CACNA1A: variants seen among roughly 807,000 people sequenced by gnomAD.
The protein encoded by CACNA1A is calcium voltage-gated channel subunit alpha1 A.
Under a neutral mutation model 262.4 loss-of-function variants are expected in CACNA1A, and 57 were observed. That is an observed-to-expected ratio of 0.22 (90% confidence interval 0.18 to 0.27). CACNA1A has a LOEUF of 0.27. CACNA1A is among the 10% of genes least tolerant of loss of function. The pLI, the probability that CACNA1A is intolerant of heterozygous loss-of-function variation, is 1.00. For synonymous variants in CACNA1A, 1,431 were observed against 1,419.3 expected (o/e 1.01, Z -0.18); for missense variants, 2,526 against 3,562.8 (o/e 0.71, Z 7.41).
intron 3 of CACNA1A, among the ~76,000 whole-genome samples, chr19:13,413,189 C>T (rs1461260246): frequency 6.6e-6 from 1 of 151,620 alleles, no homozygotes; most frequent in African/African-American, 2.4e-5. Context: ...TCACTGCAAG[C>T]TCCGCCTCCC....
At position 13,224,040 on chromosome 19, in the gene CACNA1A, C is replaced by T. The variant is rs535292718; in HGVS notation, c.5731+627G>A. Among the ~76,000 whole-genome samples, 12 of 152,044 alleles carry T rather than the reference C, an allele frequency of 7.9e-5. No homozygotes were observed. The East Asian group carries it at 1.9e-3, about 24-fold the overall frequency. On this transcript the variant is annotated intron_variant, in intron 38 of 46. Transcript: ENST00000360228. ...AAATTAGGTTGGGCATGGTGGCTCA[C>T]GCCTGTAATCCAGCACTTTGAGAGG...
chr19:13,451,995 A>G (rs2060924297), intron 3 of CACNA1A: 1 of 151,640 alleles, frequency 6.6e-6, no homozygotes, highest in African/African-American at 2.4e-5. Context: ...GTTAATTTTT[A>G]TTTTATTTTA....
intron 1 of CACNA1A, among the ~76,000 whole-genome samples, chr19:13,462,999 G>A (rs563597384): frequency 2.0e-5 from 3 of 152,164 alleles, no homozygotes; most frequent in East Asian, 1.9e-4. Context: ...GGGCTCAAGC[G>A]ATCCTCTCAC....
intron 1 of CACNA1A, among the ~76,000 whole-genome samples, chr19:13,503,527 G>C (rs938562040): frequency 1.3e-5 from 2 of 151,284 alleles, no homozygotes; most frequent in Non-Finnish European, 2.9e-5. Context: ...CCCTGGTATC[G>C]TGACTCTGAC....
rs576321664 is a variant in CACNA1A at position 13,242,279 on chromosome 19, GTTTC to G, written c.4950+2899_4950+2902del. 3.2e-3 allele frequency among the ~76,000 whole-genome samples: 494 copies of G among 152,100 alleles called. 1 individual carries two copies. The highest frequency in any genetic ancestry group is 0.011 in the African/African-American group (450 of 41,508). ...GCAGGTTCTGTGCCAAGCACTTCAC[GTTTC>G]TTTCTTTCTTTTTCTTCCTTTTCTT... On this transcript the variant is annotated intron_variant, in intron 31 of 46. Coordinates refer to ENST00000360228, the MANE Select transcript of CACNA1A (RefSeq NM_001127222.2).
intron 1 of CACNA1A, among the ~76,000 whole-genome samples, chr19:13,469,509 C>G (rs1342857243): frequency 7.2e-6 from 1 of 138,092 alleles, no homozygotes; most frequent in Non-Finnish European, 1.5e-5. Flanking sequence ...CTCGCCCTGT[C>G]GCCCAGGCTG....
chr19:13,492,203 T>C (rs779769879), intron 1 of CACNA1A, among the ~76,000 whole-genome samples: 53 of 152,116 alleles, frequency 3.5e-4, no homozygotes, highest in Non-Finnish European at 7.4e-5. Flanking sequence ...ATGACATGCC[T>C]CAATTTCAAC....
At chr19:13,393,615 TTCC>T (rs1483464608) in intron 3 of CACNA1A, among the ~76,000 whole-genome samples, 2 of 142,446 alleles carry the variant, frequency 1.4e-5, no homozygotes, top group African/African-American at 5.1e-5. Flanking sequence ...TTTTCCTTCC[TTCC>T]TTTTTTTCTT....
intron 7 of CACNA1A, among the ~76,000 whole-genome samples, chr19:13,334,908 C>T (rs1479976061): frequency 6.6e-6 from 1 of 152,002 alleles, no homozygotes; most frequent in Non-Finnish European, 1.5e-5. Flanking sequence ...GTGGCATACA[C>T]TTGTTGCCTT....
intron 6 of CACNA1A, among the ~76,000 whole-genome samples, chr19:13,358,071 G>A (rs1229795536): frequency 6.6e-6 from 1 of 152,178 alleles, no homozygotes; most frequent in African/African-American, 2.4e-5. Flanking sequence ...CTTTGATCCT[G>A]CAATCCCACT....
Position 13,214,264 on chromosome 19 carries a change from G to T in CACNA1A, c.5909C>A (p.Ala1970Asp). The T allele has an allele frequency of 6.2e-7, 1 of 1,611,416 alleles. No homozygotes were observed. Residue 1970 changes from alanine to aspartate, a missense_variant, in exon 40 of 47, where the codon GCC (alanine) becomes GAC (aspartate). Physicochemically the swap from Ala to Asp is moderately radical, Grantham distance 126 (BLOSUM62 -2). This residue lies in a region of CACNA1A where 929 missense variants were observed against 868.1 expected (regional missense o/e 1.07). Transcript: ENST00000360228. The surrounding 1 kb of genome is among the most constrained non-coding windows in gnomAD (Gnocchi z 4.1). ...MIMEYYRQSKAKKLQAMREEQ... is the reference protein window; with the variant it reads ...MIMEYYRQSKDKKLQAMREEQ... ...CTCGCGCATGGCCTGCAGCTTCTTG[G>T]CCTTGCTCTGCCGGTAGTACTCCAT...
chr19:13,371,167 CTG>C (rs1371643051), intron 4 of CACNA1A: 1 of 152,402 alleles, frequency 6.6e-6, no homozygotes, highest in Non-Finnish European at 1.5e-5. Flanking sequence ...CGCTGGGTGA[CTG>C]TGAGGATGAA....
Position 13,209,245 on chromosome 19 carries a change from C to A in CACNA1A, c.6526+67G>T, listed in dbSNP as rs902805395. On this transcript the variant is annotated intron_variant, in intron 45 of 46. Coordinates refer to ENST00000360228, the MANE Select transcript of CACNA1A (RefSeq NM_001127222.2). ...TTCTTCTTCCTTAGTGTCTCCTCCG[C>A]CCTGCCTTCTCCTCCCCTCTCCTCT... 4 of 1,422,064 alleles carry A rather than the reference C, an allele frequency of 2.8e-6. No homozygotes were observed. The African/African-American group carries it at 5.8e-5, about 21-fold the overall frequency. 88.1% of individuals were successfully genotyped at this position (1,422,064 alleles called of 1,614,324 possible). A position where few individuals can be genotyped will look rare whatever the true frequency, so the allele number is the denominator to read the frequency against.
intron 6 of CACNA1A, among the ~76,000 whole-genome samples, chr19:13,356,764 C>T (rs555644501): frequency 6.6e-6 from 1 of 152,270 alleles, no homozygotes; most frequent in African/African-American, 2.4e-5. Flanking sequence ...GGGTTCATTT[C>T]CTGCTGGAAC....
intron 24 of CACNA1A, chr19:13,272,683 A>C: frequency 6.7e-6 from 1 of 150,360 alleles, no homozygotes. Context: ...AGAAAGAGAC[A>C]GAGAGAGGGA....
At chr19:13,257,213 A>C (rs1422095643) in intron 28 of CACNA1A, 137 bp downstream of exon 28, 14 of 654,798 alleles carry the variant, frequency 2.1e-5, no homozygotes, top group Middle Eastern at 8.5e-4. Context: ...GCTGCCCTGA[A>C]GACTGGATTC....
chr19:13,494,490 CA>C (rs1251007435), intron 1 of CACNA1A, among the ~76,000 whole-genome samples: 1 of 152,006 alleles, frequency 6.6e-6, no homozygotes, highest in East Asian at 1.9e-4. Flanking sequence ...AAATGGTCAG[CA>C]GGGCTGAGAC....
intron 10 of CACNA1A, among the ~76,000 whole-genome samples, chr19:13,324,242 G>A (rs1180467744): frequency 6.6e-6 from 1 of 152,190 alleles, no homozygotes; most frequent in Non-Finnish European, 1.5e-5. Flanking sequence ...AGGGGAGGAG[G>A]AGGGATTGAG....
chr19:13,235,103 A>C (rs2055829174), intron 33 of CACNA1A, 67 bp from the exon 34 acceptor site: 4 of 1,540,370 alleles, frequency 2.6e-6, no homozygotes, highest in African/African-American at 2.7e-5. Context: ...AACCCAGCTC[A>C]ACCTCCATGG....
Sources: allele counts gnomAD v4.1 joint callset (sites outside exome capture counted in the v4.1 genomes callset), GRCh38; gene constraint gnomAD v4.1.1; regional missense constraint gnomAD v4.1.1; non-coding constraint Gnocchi (gnomAD v3.1); transcripts MANE v1.5; gene names NCBI Gene and HGNC (gene_info 2026-07-23, HGNC 2026-07-21).